The following VPS13A variants were observed in gnomAD, a reference collection of about 807,000 sequenced individuals.
VPS13A encodes the protein intermembrane lipid transfer protein VPS13A.
Under a neutral mutation model 390.9 loss-of-function variants are expected in VPS13A, and 264 were observed. The observed-to-expected ratio is 0.68, with a 90% CI of 0.61 to 0.75. VPS13A has a LOEUF of 0.75. Among genes scored for constraint, VPS13A ranks in the 30% least tolerant of loss-of-function variants. VPS13A has a pLI of 0.00. For synonymous variants in VPS13A, 1,231 were observed against 1,227.1 expected (o/e 1.00, Z -0.07); for missense variants, 3,409 against 3,733.9 (o/e 0.91, Z 2.27).
intron 42 of VPS13A, among the ~76,000 whole-genome samples, chr9:77,320,948 A>G (rs1368754227): frequency 1.3e-5 from 2 of 152,016 alleles, no homozygotes; most frequent in African/African-American, 2.4e-5. Flanking sequence ...TGTGTCTGCC[A>G]TTTTACTATC....
In VPS13A at chr9:77,418,133, G is replaced by T. The variant is rs1187167023; in HGVS notation, c.*2127G>T. 6.6e-6 allele frequency: 1 copy of T among 152,096 alleles called. No individual in the cohort carries two copies. Among genetic ancestry groups the T allele is most frequent in the African/African-American group, 2.4e-5 (1 of 41,404 alleles). The allele number at this position is 152,096 out of a possible 1,614,324, so 9.4% of individuals were successfully genotyped here. ...ATTCTGTAGCCCATTTTTCTTGAAG[G>T]TTAGAATAAGAATCTTCTTGTATTT... is the stretch of plus-strand genomic sequence containing the variant. On this transcript the variant is annotated 3_prime_UTR_variant, in exon 72 of 72. Coordinates refer to ENST00000360280, the MANE Select transcript of VPS13A (RefSeq NM_033305.3).
rs375771128 is a variant in VPS13A at position 77,228,166 on chromosome 9, T to C, written c.1497T>C (p.Ile499=). 11 of 1,604,492 alleles carry C rather than the reference T, an allele frequency of 6.9e-6. No homozygotes were observed. Among genetic ancestry groups the C allele is most frequent in the Admixed American group, 5.0e-5 (3 of 59,556 alleles). The change falls in exon 17 of 72, where the codon ATT becomes ATC. Residue 499 remains isoleucine (I), a synonymous_variant. Coordinates refer to ENST00000360280, the MANE Select transcript of VPS13A (RefSeq NM_033305.3). ...TTGTCCACTTGAAAAGTATGTCTAT[T>C]GTTCTAAGAGAAAATCATCAAAAAC... ...KFFVHLKSMS[I]VLRENHQKPE...
intron 21 of VPS13A, among the ~76,000 whole-genome samples, chr9:77,251,341 A>T (rs1825136956): frequency 6.6e-6 from 1 of 152,162 alleles, no homozygotes; most frequent in Non-Finnish European, 1.5e-5. Context: ...GCATTATATG[A>T]CTGAGATCCC....
At chr9:77,340,005 A>G (rs1472570218) in intron 48 of VPS13A, 94 bp downstream of exon 48, 11 of 1,488,326 alleles carry the variant, frequency 7.4e-6, no homozygotes, top group Non-Finnish European at 1.0e-5. Flanking sequence ...TGAAACTTGG[A>G]TAGAAATAAC....
rs370011586 is a variant in VPS13A at position 77,413,622 on chromosome 9, T to G, written c.9475-2334T>G. On this transcript the variant is annotated intron_variant, in intron 71 of 71. Transcript: ENST00000360280. ...GGATTAAAGACTTAAATGTTAGACCTAAAACCATAAAAACCCTAGAAGAAA... is the reference window on the plus strand; with the variant it reads ...GGATTAAAGACTTAAATGTTAGACCGAAAACCATAAAAACCCTAGAAGAAA... 4.3e-4 allele frequency among the ~76,000 whole-genome samples: 65 copies of G among 152,272 alleles called. 1 individual carries two copies. The East Asian group carries it at 0.012, about 28-fold the overall frequency.
intron 52 of VPS13A, among the ~76,000 whole-genome samples, chr9:77,347,488 T>C (rs147678928): frequency 0.015 from 2,351 of 152,254 alleles, 22 homozygotes; most frequent in Non-Finnish European, 0.026. Flanking sequence ...CTTTTTTGTT[T>C]TGTTTTGAGA....
chr9:77,380,419 T>G (rs1029568470), intron 67 of VPS13A, among the ~76,000 whole-genome samples: 6 of 152,180 alleles, frequency 3.9e-5, no homozygotes, highest in Non-Finnish European at 7.3e-5. Context: ...TTCAAGTGAT[T>G]CTTCTGCCTC....
chr9:77,185,708 CAT>C (rs1481118384), intron 1 of VPS13A, among the ~76,000 whole-genome samples: 1 of 151,566 alleles, frequency 6.6e-6, no homozygotes, highest in Admixed American at 6.6e-5. Context: ...TTTAATTGAT[CAT>C]GTGATATGAT....
Position 77,283,565 on chromosome 9 carries a change from T to C in VPS13A, c.3254T>C (p.Ile1085Thr). 1 of 1,613,552 alleles carries C rather than the reference T, an allele frequency of 6.2e-7. No individual in the cohort carries two copies. The highest frequency in any genetic ancestry group is 8.5e-7 in the Non-Finnish European group (1 of 1,179,678). The change falls in exon 31 of 72, where the codon ATT (isoleucine) becomes ACT (threonine). Residue 1085 changes from isoleucine to threonine, a missense_variant. Ile to Thr is a moderately conservative substitution (Grantham distance 89). Around this residue, in one of 5 missense-constraint regions of VPS13A, gnomAD observed 2,717 missense variants for 2,917.4 expected, o/e 0.93. Coordinates refer to ENST00000360280, the MANE Select transcript of VPS13A (RefSeq NM_033305.3). ...IKIEGLDSEM[I>T]MRPSETEINA... ...CCCTTAGGGCTTGATTCTGAGATGA[T>C]TATGAGGCCTTCAGAAACTGAAATA...
chr9:77,359,418 C>CGTG lies in VPS13A; in HGVS notation c.8105+16_8105+17insGTG. On this transcript the variant is annotated intron_variant, in intron 58 of 71. Transcript: ENST00000360280. Reference sequence around the variant, plus strand: ...CACGTATTAAGTAAGTGTCTTAATACATTTCTTGTATATTTATTTAATGTT... The same window carrying CGTG: ...CACGTATTAAGTAAGTGTCTTAATACGTGATTTCTTGTATATTTATTTAATGTT... 1 of 1,588,432 alleles carries CGTG rather than the reference C, an allele frequency of 6.3e-7. No homozygotes were observed. The highest frequency in any genetic ancestry group is 8.6e-7 in the Non-Finnish European group (1 of 1,158,460).
At chr9:77,392,846 G>T (rs1292897563) in intron 68 of VPS13A, among the ~76,000 whole-genome samples, 4 of 149,172 alleles carry the variant, frequency 2.7e-5, no homozygotes, top group Non-Finnish European at 5.9e-5. Flanking sequence ...ATCATCTGAA[G>T]CCTTCAGTGA....
intron 24 of VPS13A, 79 bp from the exon 25 acceptor site, chr9:77,275,419 G>A: frequency 7.3e-7 from 1 of 1,361,310 alleles, no homozygotes; most frequent in South Asian, 1.2e-5. Context: ...GTGTTTTAGT[G>A]TTCATATTTA....
rs186819389 is a variant in VPS13A, at chr9:77,381,969, C to T, written c.9078-7C>T. The T allele has an allele frequency of 3.2e-4, 503 of 1,572,962 alleles. 4 individuals are homozygous for T. The African/African-American group carries it at 5.4e-3, about 17-fold the overall frequency. On this transcript the variant is annotated splice_region_variant and splice_polypyrimidine_tract_variant and intron_variant, in intron 67 of 71. Coordinates refer to ENST00000360280, the MANE Select transcript of VPS13A (RefSeq NM_033305.3). ...TTTAAAATAAAGTTATATTTTTTTTCCTCTAGAGCTACAGAGACTTCTGAA... is the reference window on the plus strand; with the variant it reads ...TTTAAAATAAAGTTATATTTTTTTTTCTCTAGAGCTACAGAGACTTCTGAA...
intron 20 of VPS13A, among the ~76,000 whole-genome samples, chr9:77,248,634 G>T (rs186600777): frequency 6.4e-4 from 98 of 152,162 alleles, no homozygotes; most frequent in African/African-American, 2.2e-3. Flanking sequence ...GCCACATGGG[G>T]TTATTTAAAT....
At chr9:77,296,674 A>T (rs1828020652) in intron 33 of VPS13A, among the ~76,000 whole-genome samples, 1 of 152,188 alleles carries the variant, frequency 6.6e-6, no homozygotes, top group African/African-American at 2.4e-5. Flanking sequence ...GCATATCTTT[A>T]ATGTTATACC....
At chr9:77,180,640 A>G (rs969548116) in intron 1 of VPS13A, among the ~76,000 whole-genome samples, 3 of 152,128 alleles carry the variant, frequency 2.0e-5, no homozygotes, top group Admixed American at 1.3e-4. Context: ...ATTTGTTTGC[A>G]TGTGGATGCA....
intron 10 of VPS13A, among the ~76,000 whole-genome samples, chr9:77,218,505 A>G (rs1013227911): frequency 1.3e-5 from 2 of 152,062 alleles, no homozygotes; most frequent in African/African-American, 4.8e-5. Flanking sequence ...TGATTGATGG[A>G]TAGTTTGCAG....
intron 69 of VPS13A, 72 bp from the exon 70 acceptor site, chr9:77,405,792 C>T (rs1312793080): frequency 8.8e-6 from 14 of 1,584,588 alleles, no homozygotes; most frequent in South Asian, 3.3e-5. Flanking sequence ...GCGATTCATT[C>T]GTATCCTGTT....
chr9:77,210,303 C>A (rs1028862705), intron 6 of VPS13A, among the ~76,000 whole-genome samples: 1 of 147,392 alleles, frequency 6.8e-6, no homozygotes, highest in Non-Finnish European at 1.5e-5. Flanking sequence ...CCGATCATGA[C>A]TCATTGCAAC....
Sources: allele counts gnomAD v4.1 joint callset (sites outside exome capture counted in the v4.1 genomes callset), GRCh38; gene constraint gnomAD v4.1.1; regional missense constraint gnomAD v4.1.1; transcripts MANE v1.5; gene names NCBI Gene and HGNC (gene_info 2026-07-23, HGNC 2026-07-21).